REC114: variants seen among roughly 807,000 people sequenced by gnomAD.
REC114 encodes the protein meiotic recombination protein REC114.
REC114 carries 27 observed loss-of-function variants against 31.3 expected under a neutral mutation model. The observed-to-expected ratio is 0.86, with a 90% confidence interval of 0.64 to 1.19. The LOEUF (loss-of-function observed/expected upper bound fraction) is 1.19. Ranked by LOEUF, REC114 falls within the 50% of genes most tolerant of loss-of-function variation. REC114 has a pLI of 0.00. For synonymous variants in REC114, 134 were observed against 127.7 expected (o/e 1.05, Z -0.33); for missense variants, 344 against 326.9 (o/e 1.05, Z -0.40).
At chr15:73,553,621 A>C (rs1206124558) in intron 4 of REC114, among the ~76,000 whole-genome samples, 1 of 152,200 alleles carries the variant, frequency 6.6e-6, no homozygotes, top group East Asian at 1.9e-4. Context: ...ACAATTATCT[A>C]AGTATTACAA....
intron 1 of REC114, among the ~76,000 whole-genome samples, chr15:73,461,985 G>C (rs1440847528): frequency 7.1e-6 from 1 of 141,098 alleles, no homozygotes; most frequent in Admixed American, 7.5e-5. Flanking sequence ...AGGCTGGAGT[G>C]CGGTGGTGCG....
intron 3 of REC114, among the ~76,000 whole-genome samples, chr15:73,542,515 G>A (rs1298610172): frequency 6.6e-6 from 1 of 151,938 alleles, no homozygotes; most frequent in Non-Finnish European, 1.5e-5. Flanking sequence ...AGCATCACCT[G>A]GCCCTTTTAT....
rs1422040500 is a variant in REC114 at position 73,556,380 on chromosome 15, CAGTT to C, written c.628_631del (p.Ala211ArgfsTer23). ...TCCAGACGGAAGGACCTCACTGACG[CAGTT>C]AGCTCAGGTAGAGCTTATTTCTGTG... On this transcript the variant is annotated frameshift_variant, in exon 5 of 6. Transcript: ENST00000331090. LOFTEE classifies it high-confidence loss of function. 4 of 1,613,326 alleles carry C rather than the reference CAGTT, an allele frequency of 2.5e-6. No homozygotes were observed. The African/African-American group carries it at 5.3e-5, about 22-fold the overall frequency.
intron 4 of REC114, among the ~76,000 whole-genome samples, chr15:73,554,180 G>A (rs1339824743): frequency 6.6e-6 from 1 of 152,218 alleles, no homozygotes; most frequent in Non-Finnish European, 1.5e-5. Context: ...CTGCAGAGCA[G>A]ATGATAAGTT....
chr15:73,541,339 AC>A lies in REC114; in HGVS notation c.333+772del, dbSNP rs1298782680. Among the ~76,000 whole-genome samples the A allele has an allele frequency of 3.9e-5, 6 of 152,352 alleles. No individual in the cohort carries two copies. The South Asian group carries it at 8.3e-4, about 21-fold the overall frequency. ...CTTCTCACTAATGGAAATCACAGAT[AC>A]TTTCATATCACATTTCAGTTGTTTC... On this transcript the variant is annotated intron_variant, in intron 3 of 5. Coordinates refer to ENST00000331090, the MANE Select transcript of REC114 (RefSeq NM_001042367.2).
At position 73,539,282 on chromosome 15, in the gene REC114, ATTTTTTTTTTTTT is replaced by A. The variant is rs753968018; in HGVS notation, c.250-1189_250-1177del. Among the ~76,000 whole-genome samples, 7 of 70,814 alleles carry A rather than the reference ATTTTTTTTTTTTT, an allele frequency of 9.9e-5. No individual in the cohort carries two copies. In the Admixed American group the frequency reaches 1.2e-3, roughly 12 times the overall value. 46.5% of individuals were successfully genotyped at this position (70,814 alleles called of 152,430 possible). A position where few individuals can be genotyped will look rare whatever the true frequency, so the allele number is the denominator to read the frequency against. On this transcript the variant is annotated intron_variant, in intron 2 of 5. Coordinates refer to ENST00000331090, the MANE Select transcript of REC114 (RefSeq NM_001042367.2). ...GCTTAGAGGTAGCATTTCAGAACTG[ATTTTTTTTTTTTT>A]TTTTTTTTTTTTTGAGACGGAATCT...
intron 1 of REC114, among the ~76,000 whole-genome samples, chr15:73,450,441 T>C (rs1391918694): frequency 6.6e-6 from 1 of 152,200 alleles, no homozygotes; most frequent in East Asian, 1.9e-4. Context: ...CTAACTATCC[T>C]AAATATATAT....
At chr15:73,510,341 G>A (rs1357369826) in intron 2 of REC114, among the ~76,000 whole-genome samples, 2 of 152,120 alleles carry the variant, frequency 1.3e-5, no homozygotes, top group Non-Finnish European at 2.9e-5. Flanking sequence ...AGAGATTTTG[G>A]GCTGAGACAA....
intron 3 of REC114, among the ~76,000 whole-genome samples, chr15:73,545,456 T>G (rs533871541): frequency 9.6e-4 from 146 of 152,310 alleles, no homozygotes; most frequent in Non-Finnish European, 1.6e-3. Context: ...ACCTATGGCA[T>G]TGAGGATATA....
At chr15:73,545,736 A>G (rs536445029) in intron 3 of REC114, among the ~76,000 whole-genome samples, 48 of 152,204 alleles carry the variant, frequency 3.2e-4, no homozygotes, top group Non-Finnish European at 5.9e-4. Flanking sequence ...GACTTATATA[A>G]CTGGTCTCAG....
chr15:73,532,557 C>T (rs1164261197), intron 2 of REC114, among the ~76,000 whole-genome samples: 1 of 151,530 alleles, frequency 6.6e-6, no homozygotes, highest in African/African-American at 2.4e-5. Flanking sequence ...GAGGAATCGC[C>T]ACACTGACTT....
At chr15:73,506,211 G>A (rs894514112) in intron 2 of REC114, among the ~76,000 whole-genome samples, 3 of 152,038 alleles carry the variant, frequency 2.0e-5, no homozygotes, top group Non-Finnish European at 4.4e-5. Context: ...TTTTGTATCT[G>A]ATCTTTTATC....
rs1310012978 is a variant in REC114 at position 73,513,190 on chromosome 15, T to TCATTTCATC, written c.250-27294_250-27286dup. The stretch of plus-strand genomic sequence containing the variant: ...AACTTCCCTTCTCGCTTCATTTCAT[T>TCATTTCATC]CATTTCATCTTCCATTGCTGATACC... On this transcript the variant is annotated intron_variant, in intron 2 of 5. Transcript: ENST00000331090. Among the ~76,000 whole-genome samples, 51 of 148,850 alleles carry TCATTTCATC rather than the reference T, an allele frequency of 3.4e-4. No homozygotes were observed. The East Asian group carries it at 8.8e-3, about 26-fold the overall frequency.
At chr15:73,476,595 A>G (rs188963942) in intron 2 of REC114, among the ~76,000 whole-genome samples, 1 of 152,324 alleles carries the variant, frequency 6.6e-6, no homozygotes, top group African/African-American at 2.4e-5. Context: ...ACCTCACTGT[A>G]GTTTTGCCTT....
At chr15:73,515,107 T>C (rs886462821) in intron 2 of REC114, among the ~76,000 whole-genome samples, 2 of 152,052 alleles carry the variant, frequency 1.3e-5, no homozygotes, top group African/African-American at 4.8e-5. Context: ...GCCTGGCTAA[T>C]GTTTTGTAGA....
intron 4 of REC114, among the ~76,000 whole-genome samples, chr15:73,551,502 A>G (rs1319653949): frequency 6.6e-6 from 1 of 151,408 alleles, no homozygotes; most frequent in African/African-American, 2.4e-5. Context: ...CAACATTTGA[A>G]TTGATGACAC....
intron 2 of REC114, among the ~76,000 whole-genome samples, chr15:73,524,421 C>A (rs1893978717): frequency 6.6e-6 from 1 of 152,006 alleles, no homozygotes; most frequent in East Asian, 1.9e-4. Context: ...TTGTTCATGC[C>A]CTAATTGAAG....
intron 2 of REC114, among the ~76,000 whole-genome samples, chr15:73,500,950 T>C (rs1261133350): frequency 1.3e-5 from 2 of 152,048 alleles, no homozygotes; most frequent in Non-Finnish European, 2.9e-5. Flanking sequence ...GGTGTCCCCA[T>C]GGTCTTATGT....
At chr15:73,525,293 TAG>T (rs1181257834) in intron 2 of REC114, among the ~76,000 whole-genome samples, 1 of 152,170 alleles carries the variant, frequency 6.6e-6, no homozygotes, top group African/African-American at 2.4e-5. Context: ...TCAATCTAGA[TAG>T]AGATTATTAT....
Sources: allele counts gnomAD v4.1 joint callset (sites outside exome capture counted in the v4.1 genomes callset), GRCh38; gene constraint gnomAD v4.1.1; transcripts MANE v1.5; gene names NCBI Gene and HGNC (gene_info 2026-07-23, HGNC 2026-07-21).